The following RALYL variants were observed in gnomAD, a reference collection of about 807,000 sequenced individuals.
RALYL encodes RNA-binding Raly-like protein.
In RALYL, 29 loss-of-function variants were observed where a neutral mutation model predicts 35.1. The observed-to-expected ratio is 0.83, with a 90% confidence interval of 0.61 to 1.13. The LOEUF is 1.13. RALYL is among the 50% of genes most tolerant of loss of function. RALYL has a pLI of 0.00. For synonymous variants in RALYL, 120 were observed against 127.6 expected, an observed-to-expected ratio of 0.94 and a Z score of 0.40; for missense variants, 359 against 360.4, an observed-to-expected ratio of 1.00 and a Z score of 0.03.
chr8:84,348,714 C>A (rs1850308135), intron 1 of RALYL, among the ~76,000 whole-genome samples: 1 of 152,014 alleles, frequency 6.6e-6, no homozygotes, highest in Admixed American at 6.6e-5. Context: ...TCCAATACTA[C>A]AAATATTTAT....
intron 2 of RALYL, among the ~76,000 whole-genome samples, chr8:84,621,405 C>G (rs946223905): frequency 3.3e-5 from 5 of 152,170 alleles, no homozygotes; most frequent in African/African-American, 1.2e-4. Flanking sequence ...AAGGGAACTC[C>G]CTGACCCCTT....
chr8:84,620,476 A>G (rs1387584261), intron 2 of RALYL, among the ~76,000 whole-genome samples: 1 of 151,858 alleles, frequency 6.6e-6, no homozygotes, highest in East Asian at 1.9e-4. Context: ...TGTATTGGTT[A>G]TTCTAGTTAT....
intron 3 of RALYL, among the ~76,000 whole-genome samples, chr8:84,793,251 G>T (rs908447811): frequency 3.9e-5 from 6 of 152,158 alleles, no homozygotes; most frequent in Admixed American, 1.3e-4. Flanking sequence ...CAAGGACTGA[G>T]CTCTACAACA....
At chr8:84,579,384 T>TC (rs1336463117) in intron 2 of RALYL, among the ~76,000 whole-genome samples, 1 of 152,136 alleles carries the variant, frequency 6.6e-6, no homozygotes, top group Non-Finnish European at 1.5e-5. Flanking sequence ...GGATCCCTGG[T>TC]CCAGAGTCAT....
intron 1 of RALYL, among the ~76,000 whole-genome samples, chr8:84,499,670 T>C (rs1397463480): frequency 3.9e-5 from 6 of 151,932 alleles, no homozygotes; most frequent in South Asian, 2.1e-4. Context: ...CTCCTGTGAA[T>C]TGAGAGACCT....
At chr8:84,691,066 A>T (rs1394831283) in intron 2 of RALYL, among the ~76,000 whole-genome samples, 1 of 152,038 alleles carries the variant, frequency 6.6e-6, no homozygotes, top group Non-Finnish European at 1.5e-5. Context: ...TAGTAATAAC[A>T]TTTTCCAGGC....
intron 2 of RALYL, among the ~76,000 whole-genome samples, chr8:84,539,836 ATATATATATATATATATG>A (rs1244847491): frequency 0.067 from 626 of 9,322 alleles, 13 homozygotes; most frequent in South Asian, 0.19. Context: ...AAGTATACAT[ATATATATATATATATATG>A]TATATATATA....
intron 2 of RALYL, among the ~76,000 whole-genome samples, chr8:84,756,905 A>G (rs1016781488): frequency 2.0e-5 from 3 of 152,086 alleles, no homozygotes; most frequent in African/African-American, 7.2e-5. Flanking sequence ...AAAGGTACAA[A>G]ATTATTTGTC....
At chr8:84,598,792 G>A (rs997023183) in intron 2 of RALYL, among the ~76,000 whole-genome samples, 4 of 152,072 alleles carry the variant, frequency 2.6e-5, no homozygotes, top group Non-Finnish European at 4.4e-5. Flanking sequence ...ATATAGGAGT[G>A]CAGGTATCTC....
At chr8:84,702,340 G>T (rs1006916718) in intron 2 of RALYL, among the ~76,000 whole-genome samples, 1 of 151,978 alleles carries the variant, frequency 6.6e-6, no homozygotes, top group Non-Finnish European at 1.5e-5. Context: ...AATCATATTG[G>T]CCTAGTTCCT....
Position 84,874,100 on chromosome 8 carries a change from C to T in RALYL, c.685+703C>T, listed in dbSNP as rs560389493. ...AAAGTGTGCTCTATGAGGCTTTAGA[C>T]GCCTCAGAAGCCTCCTTGGAGTTAA... On this transcript the variant is annotated intron_variant, in intron 7 of 8. Transcript: ENST00000521268. Among the ~76,000 whole-genome samples, 55 of 152,170 alleles carry T rather than the reference C, an allele frequency of 3.6e-4. 1 individual carries two copies. The highest frequency in any genetic ancestry group is 1.7e-3 in the Admixed American group (26 of 15,280).
At chr8:84,620,667 A>T (rs10097373) in intron 2 of RALYL, among the ~76,000 whole-genome samples, 3 of 150,942 alleles carry the variant, frequency 2.0e-5, no homozygotes, top group East Asian at 1.9e-4. Context: ...GAGGAGAGGC[A>T]CTCTGCTTTT....
intron 6 of RALYL, among the ~76,000 whole-genome samples, chr8:84,866,324 C>T (rs1335196601): frequency 6.6e-6 from 1 of 152,000 alleles, no homozygotes; most frequent in African/African-American, 2.4e-5. Context: ...TCCTTTAACC[C>T]CTATATACCT....
chr8:84,579,834 G>A lies in RALYL; in HGVS notation c.256+50257G>A, dbSNP rs1810420676. On this transcript the variant is annotated intron_variant, in intron 2 of 8. Coordinates refer to ENST00000521268, the MANE Select transcript of RALYL (RefSeq NM_173848.7). ...ATAAAATAATGGTCAGTCTAGTGCT[G>A]TCACATAGATAAACAATATGAATCA... 2.0e-5 allele frequency among the ~76,000 whole-genome samples: 3 copies of A among 152,088 alleles called. 1 individual carries two copies. The highest frequency in any genetic ancestry group is 2.0e-4 in the Admixed American group (3 of 15,264).
intron 4 of RALYL, among the ~76,000 whole-genome samples, chr8:84,841,160 GAC>G (rs1833220378): frequency 6.6e-6 from 1 of 152,082 alleles, no homozygotes; most frequent in Non-Finnish European, 1.5e-5. Flanking sequence ...CCAATTAAAA[GAC>G]ACAGACTGGC....
At chr8:84,464,195 G>A (rs560442472) in intron 1 of RALYL, among the ~76,000 whole-genome samples, 1 of 150,494 alleles carries the variant, frequency 6.6e-6, no homozygotes, top group African/African-American at 2.4e-5. Flanking sequence ...CATTGTGCAG[G>A]TTAGTTACAT....
chr8:84,709,529 G>GT (rs1841801631), intron 2 of RALYL, among the ~76,000 whole-genome samples: 1 of 151,530 alleles, frequency 6.6e-6, no homozygotes, highest in Admixed American at 6.6e-5. Context: ...TACTGCATTT[G>GT]TAATAGCTTT....
intron 2 of RALYL, among the ~76,000 whole-genome samples, chr8:84,671,449 C>T (rs559614687): frequency 1.3e-5 from 2 of 152,290 alleles, no homozygotes; most frequent in Admixed American, 6.5e-5. Flanking sequence ...ATTTGCCTTC[C>T]ACACTGCCCT....
At chr8:84,189,164 A>T (rs1240441836) in intron 1 of RALYL, among the ~76,000 whole-genome samples, 2 of 152,182 alleles carry the variant, frequency 1.3e-5, no homozygotes, top group Admixed American at 6.5e-5. Context: ...AAAATTATGG[A>T]GTAGAACGTG....
Sources: gnomAD v4.1 joint callset for allele counts (sites outside exome capture counted in the v4.1 genomes callset) on GRCh38, gnomAD v4.1.1 for gene constraint, MANE v1.5 for transcripts, NCBI Gene and HGNC (gene_info 2026-07-23, HGNC 2026-07-21) for gene names.